The following ZNF85 variants were observed in gnomAD, a reference collection of about 807,000 sequenced individuals.
The protein encoded by ZNF85 is zinc finger protein 85.
In ZNF85, 50 loss-of-function variants were observed where a neutral mutation model predicts 53.9. The observed-to-expected ratio is 0.93, with a 90% CI of 0.74 to 1.17. ZNF85 has a LOEUF of 1.17. Among genes scored for constraint, ZNF85 ranks in the 50% most tolerant of loss-of-function variants. The pLI is 0.00. For synonymous variants in ZNF85, 225 were observed against 226.1 expected (o/e 1.00, Z 0.04); for missense variants, 747 against 688.5 (o/e 1.08, Z -0.95).
intron 1 of ZNF85, among the ~76,000 whole-genome samples, chr19:20,929,677 AG>A (rs1402908131): frequency 6.6e-6 from 1 of 152,216 alleles, no homozygotes. Context: ...TAGGAAAAAC[AG>A]AACTGGAAAT....
At chr19:20,937,032 G>T in intron 3 of ZNF85, 1 of 188,554 alleles carries the variant, frequency 5.3e-6, no homozygotes, top group Non-Finnish European at 1.1e-5. Context: ...TTGTTTTTTG[G>T]GTTTTTGTTT....
At chr19:20,939,593 T>G (rs1194720122) in intron 3 of ZNF85, among the ~76,000 whole-genome samples, 1 of 151,972 alleles carries the variant, frequency 6.6e-6, no homozygotes, top group Non-Finnish European at 1.5e-5. Flanking sequence ...GTTTTTTGCT[T>G]TTACTTATGC....
At chr19:20,942,218 G>A (rs1973314390) in intron 3 of ZNF85, among the ~76,000 whole-genome samples, 1 of 151,504 alleles carries the variant, frequency 6.6e-6, no homozygotes, top group East Asian at 1.9e-4. Context: ...CCAGGCTGGA[G>A]TGCAATGGCA....
At chr19:20,932,962 G>A (rs989974734) in intron 1 of ZNF85, among the ~76,000 whole-genome samples, 2 of 151,680 alleles carry the variant, frequency 1.3e-5, no homozygotes, top group African/African-American at 2.4e-5. Flanking sequence ...GCTAAGGCAG[G>A]CAGATCACAA....
chr19:20,925,043 C>T (rs566161380), intron 1 of ZNF85, among the ~76,000 whole-genome samples: 3 of 152,272 alleles, frequency 2.0e-5, no homozygotes, highest in Non-Finnish European at 4.4e-5. Context: ...GTCATTTTCT[C>T]TCATAGGACA....
chr19:20,937,347 A>G (rs34083865), intron 3 of ZNF85: 47,057 of 455,898 alleles, frequency 0.1, 2,814 homozygotes, highest in Non-Finnish European at 0.12. Flanking sequence ...AGTTTTTATA[A>G]ACCAGTTTCA....
rs1349638567 is a variant in ZNF85, at chr19:20,934,060, T to C, written c.40T>C (p.Ser14Pro). 1.2e-6 allele frequency: 2 copies of C among 1,612,682 alleles called. No homozygotes were observed. The highest frequency in any genetic ancestry group is 1.7e-6 in the Non-Finnish European group (2 of 1,179,358). ...ATTTAGGGATGTGGCCATAGAATTC[T>C]CTCTGAAGGAGTGGCAATGCCTGGA... ...LTFRDVAIEFSLKEWQCLDTA... is the reference protein window; with the variant it reads ...LTFRDVAIEFPLKEWQCLDTA... Residue 14 changes from serine to proline, a missense_variant, in exon 2 of 4, where the codon TCT (serine) becomes CCT (proline). By Grantham distance (74) the Ser-to-Pro change is moderately conservative. Coordinates refer to ENST00000328178, the MANE Select transcript of ZNF85 (RefSeq NM_003429.5).
In ZNF85 at chr19:20,923,335, G is replaced by A; in HGVS notation, c.-66G>A. ...TGCTCGTGGACGCCCAGCCTCTGTG[G>A]CCCTGTGGCCTGCAGGTATTGGGAG... On this transcript the variant is annotated 5_prime_UTR_variant, in exon 1 of 4. Transcript: ENST00000328178. 1 of 1,612,214 alleles carries A rather than the reference G, an allele frequency of 6.2e-7. No individual in the cohort carries two copies. Among genetic ancestry groups the A allele is most frequent in the Non-Finnish European group, 8.5e-7 (1 of 1,178,550 alleles).
chr19:20,937,495 T>G, intron 3 of ZNF85: 1 of 361,502 alleles, frequency 2.8e-6, no homozygotes, highest in South Asian at 2.1e-5. Context: ...TATAAGAGGC[T>G]TGGGTAGCTG....
At chr19:20,926,584 C>CA (rs34902821) in intron 1 of ZNF85, among the ~76,000 whole-genome samples, 95,013 of 148,750 alleles carry the variant, frequency 0.64, 31,095 homozygotes, top group Non-Finnish European at 0.72. Flanking sequence ...ATTGAGCCTA[C>CA]AAAAAAAAAA....
At position 20,949,753 on chromosome 19, in the gene ZNF85, T is replaced by C. The variant is rs1256901405; in HGVS notation, c.1239T>C (p.Leu413=). 1 of 1,611,990 alleles carries C rather than the reference T, an allele frequency of 6.2e-7. No individual in the cohort carries two copies. Among genetic ancestry groups the C allele is most frequent in the Admixed American group, 1.7e-5 (1 of 59,668 alleles). The change falls in exon 4 of 4, where the codon CTT becomes CTC. Residue 413 remains leucine (L), a synonymous_variant. Coordinates refer to ENST00000328178, the MANE Select transcript of ZNF85 (RefSeq NM_003429.5). The part of the protein sequence containing the change: ...CGKAFKHSST[L]TKHKIIHTGE... The stretch of plus-strand genomic sequence containing the variant: ...AAGCTTTTAAACACTCTTCAACCCT[T>C]ACTAAACATAAGATAATTCATACTG...
intron 3 of ZNF85, 26 bp downstream of exon 3, chr19:20,935,073 G>T: frequency 6.6e-7 from 1 of 1,525,130 alleles, no homozygotes; most frequent in South Asian, 1.1e-5. Context: ...AATGAATACA[G>T]CAGATGACAC....
chr19:20,941,914 G>A (rs1269260418), intron 3 of ZNF85, among the ~76,000 whole-genome samples: 1 of 151,804 alleles, frequency 6.6e-6, no homozygotes, highest in Admixed American at 6.6e-5. Flanking sequence ...TTATATCTGG[G>A]CATTTTATTT....
intron 3 of ZNF85, among the ~76,000 whole-genome samples, chr19:20,938,544 C>T (rs1011507509): frequency 3.3e-5 from 5 of 152,086 alleles, no homozygotes; most frequent in African/African-American, 1.2e-4. Context: ...TTTATTTTTC[C>T]ATCTTGCTGA....
intron 1 of ZNF85, among the ~76,000 whole-genome samples, chr19:20,925,384 G>A (rs1445960386): frequency 6.6e-6 from 1 of 151,400 alleles, no homozygotes; most frequent in Non-Finnish European, 1.5e-5. Context: ...TTGAACCCGG[G>A]AGGTGGAGGT....
intron 3 of ZNF85, chr19:20,936,924 T>C (rs1973170975): frequency 6.5e-6 from 1 of 153,730 alleles, no homozygotes; most frequent in African/African-American, 2.4e-5. Context: ...GAACCTCTAT[T>C]TCACATTTTA....
intron 3 of ZNF85, chr19:20,946,285 T>G (rs1973417520): frequency 2.6e-6 from 1 of 391,538 alleles, no homozygotes; most frequent in South Asian, 2.0e-5. Context: ...AAGACTTCTT[T>G]TTTTGTCCTA....
intron 3 of ZNF85, among the ~76,000 whole-genome samples, chr19:20,944,788 A>T (rs1973382293): frequency 6.6e-6 from 1 of 151,756 alleles, no homozygotes; most frequent in Admixed American, 6.6e-5. Flanking sequence ...TTGTGTTTGG[A>T]TGTTTTAGTT....
Position 20,923,269 on chromosome 19 carries a change from A to G in ZNF85, c.-132A>G. 4.9e-6 allele frequency: 7 copies of G among 1,435,232 alleles called. No individual in the cohort carries two copies. Among genetic ancestry groups the G allele is most frequent in the Non-Finnish European group, 6.8e-6 (7 of 1,035,392 alleles). The allele number at this position is 1,435,232 out of a possible 1,614,324, so 88.9% of individuals were successfully genotyped here. Reference sequence around the variant, plus strand: ...TGGCGGGGCCTTTGTCTCTCGCTGCAGCCTGAGCTCTAGGTCTTGTTTTCC... The same window carrying G: ...TGGCGGGGCCTTTGTCTCTCGCTGCGGCCTGAGCTCTAGGTCTTGTTTTCC... On this transcript the variant is annotated 5_prime_UTR_variant, in exon 1 of 4. Coordinates refer to ENST00000328178, the MANE Select transcript of ZNF85 (RefSeq NM_003429.5).
Sources: allele counts gnomAD v4.1 joint callset (sites outside exome capture counted in the v4.1 genomes callset), GRCh38; gene constraint gnomAD v4.1.1; transcripts MANE v1.5; gene names NCBI Gene and HGNC (gene_info 2026-07-23, HGNC 2026-07-21).